TNR: variants seen among roughly 807,000 people sequenced by gnomAD.
TNR encodes the protein tenascin-R.
TNR carries 45 observed loss-of-function variants against 150.4 expected under a neutral mutation model. The observed-to-expected ratio is 0.30, with a 90% CI of 0.24 to 0.38. The LOEUF (loss-of-function observed/expected upper bound fraction) is 0.38, where lower values mean the gene tolerates loss of function less well. Ranked by LOEUF, TNR falls within the 10% of genes least tolerant of loss-of-function variation. The pLI, the probability that TNR is intolerant of heterozygous loss-of-function variation, is 1.00. For synonymous variants in TNR, 687 were observed against 678.4 expected (o/e 1.01, Z -0.20); for missense variants, 1,544 against 1,759.1 (o/e 0.88, Z 2.19).
intron 9 of TNR, among the ~76,000 whole-genome samples, chr1:175,370,312 A>G (rs1164674723): frequency 7.4e-6 from 1 of 135,878 alleles, no homozygotes; most frequent in Non-Finnish European, 1.6e-5. Context: ...TACTTTGCAC[A>G]GAGAACTATT....
Position 175,603,383 on chromosome 1 carries a change from T to C in TNR, c.-164-75014A>G, listed in dbSNP as rs1313125176. On this transcript the variant is annotated intron_variant, in intron 1 of 22. Transcript: ENST00000367674. ...GAAATAGTAAGGGGTCAGTAAGAATTGACAAAAACTTGAAAAGATGGCCTG... is the reference window on the plus strand; with the variant it reads ...GAAATAGTAAGGGGTCAGTAAGAATCGACAAAAACTTGAAAAGATGGCCTG... Among the ~76,000 whole-genome samples, 7 of 152,190 alleles carry C rather than the reference T, an allele frequency of 4.6e-5. No individual in the cohort carries two copies. The East Asian group carries it at 1.2e-3, about 25-fold the overall frequency.
intron 2 of TNR, among the ~76,000 whole-genome samples, chr1:175,416,651 C>T (rs1168644277): frequency 1.3e-5 from 2 of 152,148 alleles, no homozygotes; most frequent in African/African-American, 4.8e-5. Context: ...CAGACTGTAG[C>T]CCAAGTTGAT....
At chr1:175,714,190 T>A (rs1324544959) in intron 1 of TNR, among the ~76,000 whole-genome samples, 5 of 151,828 alleles carry the variant, frequency 3.3e-5, no homozygotes, top group Non-Finnish European at 5.9e-5. Flanking sequence ...TCCCACTCCC[T>A]CTGCTGTCCT....
intron 18 of TNR, among the ~76,000 whole-genome samples, chr1:175,343,144 A>C (rs778249231): frequency 3.3e-5 from 5 of 152,158 alleles, no homozygotes; most frequent in African/African-American, 4.8e-5. Context: ...TTACTTGCCC[A>C]AAACCCTTCA....
At position 175,679,766 on chromosome 1, in the gene TNR, G is replaced by A. The variant is rs73035420; in HGVS notation, c.-165+63460C>T. Among the ~76,000 whole-genome samples the A allele has an allele frequency of 9.7e-3, 1,476 of 152,308 alleles. 19 individuals are homozygous for A. The highest frequency in any genetic ancestry group is 0.033 in the African/African-American group (1,390 of 41,558). ...TGCTATTAAAGCAACGTTCCAGAAG[G>A]CAGCGTGGAAGAGGAGAGAAGCCTG... On this transcript the variant is annotated intron_variant, in intron 1 of 22. Coordinates refer to ENST00000367674, the MANE Select transcript of TNR (RefSeq NM_003285.3).
intron 2 of TNR, among the ~76,000 whole-genome samples, chr1:175,461,484 A>T (rs1163593536): frequency 6.6e-6 from 1 of 152,216 alleles, no homozygotes; most frequent in Non-Finnish European, 1.5e-5. Flanking sequence ...GCACTGAATC[A>T]TGGTTTTATC....
chr1:175,491,896 G>A (rs1231535479), intron 2 of TNR, among the ~76,000 whole-genome samples: 1 of 151,540 alleles, frequency 6.6e-6, no homozygotes, highest in South Asian at 2.1e-4. Context: ...TGATCCGCCC[G>A]CCTTGGCCTC....
intron 1 of TNR, among the ~76,000 whole-genome samples, chr1:175,729,678 T>C (rs7538147): frequency 0.29 from 44,003 of 151,972 alleles, 6,526 homozygotes; most frequent in African/African-American, 0.36. Flanking sequence ...TTGCCTTTAA[T>C]CTCTATATTA....
intron 1 of TNR, among the ~76,000 whole-genome samples, chr1:175,717,198 G>C (rs1667178828): frequency 6.6e-6 from 1 of 152,176 alleles, no homozygotes. Flanking sequence ...TTGGCTGTGA[G>C]ACTTTGGATA....
rs149559732 is a variant in TNR at position 175,330,120 on chromosome 1, G to A, written c.3747C>T (p.Ser1249=). 4.2e-5 allele frequency: 68 copies of A among 1,611,666 alleles called. No individual in the cohort carries two copies. The highest frequency in any genetic ancestry group is 5.7e-5 in the Non-Finnish European group (67 of 1,178,162). ...ASYDRFSVED[S]RNLYKLRIGS... The stretch of plus-strand genomic sequence containing the variant: ...CTATGCGGAGTTTGTACAGGTTTCT[G>A]CTGTCCTCGACAGAGAACCTGTCGT... Residue 1249 remains serine (S), a synonymous_variant, in exon 21 of 23, where the codon AGC becomes AGT. Transcript: ENST00000367674.
chr1:175,464,197 C>T (rs1054526483), intron 2 of TNR, among the ~76,000 whole-genome samples: 1 of 152,198 alleles, frequency 6.6e-6, no homozygotes, highest in African/African-American at 2.4e-5. Context: ...GATAATAAGA[C>T]AAAGCCCAAT....
chr1:175,354,408 G>A lies in TNR; in HGVS notation c.3365C>T (p.Ser1122Phe). ...TCCCTCACCTGTGGTGAAAGCGGTG[G>A]AGGTGATGCTGCTCCACGTGGTGTC... ...AQDTTWSSIT[S>F]TAFTTGGRVF... Residue 1122 changes from serine (S) to phenylalanine (F), a missense_variant, in exon 18 of 23, where the codon TCC (serine) becomes TTC (phenylalanine). Ser to Phe is a radical substitution (Grantham distance 155, BLOSUM62 -2). This residue lies in a region of TNR where 290 missense variants were observed against 429.7 expected (regional missense o/e 0.67). Coordinates refer to ENST00000367674, the MANE Select transcript of TNR (RefSeq NM_003285.3). 6.2e-7 allele frequency: 1 copy of A among 1,614,020 alleles called. No homozygotes were observed. The highest frequency in any genetic ancestry group is 8.5e-7 in the Non-Finnish European group (1 of 1,179,924).
chr1:175,663,622 T>C (rs1207068829), intron 1 of TNR, among the ~76,000 whole-genome samples: 3 of 152,128 alleles, frequency 2.0e-5, no homozygotes, highest in East Asian at 1.9e-4. Context: ...TGGATGATTA[T>C]GATATAGTGA....
chr1:175,472,921 G>T (rs904701003), intron 2 of TNR, among the ~76,000 whole-genome samples: 4 of 152,136 alleles, frequency 2.6e-5, no homozygotes, highest in Non-Finnish European at 5.9e-5. Context: ...TGATAAGCAG[G>T]GGTATCTAGC....
intron 2 of TNR, among the ~76,000 whole-genome samples, chr1:175,457,145 CT>C (rs1379568787): frequency 6.6e-6 from 1 of 152,202 alleles, no homozygotes; most frequent in African/African-American, 2.4e-5. Flanking sequence ...AACTTTTCCC[CT>C]GTCTGTGCGA....
intron 1 of TNR, among the ~76,000 whole-genome samples, chr1:175,579,052 A>G (rs1026195873): frequency 6.6e-6 from 1 of 152,118 alleles, no homozygotes; most frequent in South Asian, 2.1e-4. Context: ...CTGACTGAGA[A>G]TCCTTCACCA....
chr1:175,545,295 G>A (rs189880682), intron 1 of TNR, among the ~76,000 whole-genome samples: 1 of 152,334 alleles, frequency 6.6e-6, no homozygotes, highest in East Asian at 1.9e-4. Context: ...TTTTAGTGGT[G>A]TGGCAAAAGC....
At chr1:175,575,718 G>A (rs1662080543) in intron 1 of TNR, among the ~76,000 whole-genome samples, 1 of 152,182 alleles carries the variant, frequency 6.6e-6, no homozygotes, top group South Asian at 2.1e-4. Flanking sequence ...GCAGTGGATA[G>A]AGCATTCCAG....
At chr1:175,434,754 C>A (rs1669737427) in intron 2 of TNR, among the ~76,000 whole-genome samples, 1 of 152,186 alleles carries the variant, frequency 6.6e-6, no homozygotes, top group African/African-American at 2.4e-5. Context: ...TTTTGGTACA[C>A]AGCATGGAGT....
Sources: gnomAD v4.1 joint callset for allele counts (sites outside exome capture counted in the v4.1 genomes callset) on GRCh38, gnomAD v4.1.1 for gene constraint, gnomAD v4.1.1 regional missense constraint, MANE v1.5 for transcripts, NCBI Gene and HGNC (gene_info 2026-07-23, HGNC 2026-07-21) for gene names.